TAF6: variants seen among roughly 807,000 people sequenced by gnomAD.
The protein encoded by TAF6 is TATA-box binding protein associated factor 6, also known as transcription initiation factor TFIID subunit 6.
In TAF6, 50 loss-of-function variants were observed where a neutral mutation model predicts 73.5. The ratio of observed to expected loss-of-function variants is 0.68; its 90% CI spans 0.54 to 0.86. The LOEUF (loss-of-function observed/expected upper bound fraction) is 0.86, where lower values mean the gene tolerates loss of function less well. Ranked by LOEUF, TAF6 falls within the 40% of genes least tolerant of loss-of-function variation. TAF6 has a pLI of 0.00. For missense variants in TAF6, 768 were observed against 899.5 expected, an observed-to-expected ratio of 0.85 and a Z score of 1.87; for synonymous variants, 424 against 376.7, an observed-to-expected ratio of 1.13 and a Z score of -1.45.
chr7:100,123,920 G>A (rs530573871), upstream of TAF6, among the ~76,000 whole-genome samples: 1 of 152,274 alleles, frequency 6.6e-6, no homozygotes, highest in East Asian at 1.9e-4. Flanking sequence ...CACGACATCA[G>A]GGGTTCAAGA....
At chr7:100,118,221 C>T (rs925118787) in intron 1 of TAF6, among the ~76,000 whole-genome samples, 1 of 151,752 alleles carries the variant, frequency 6.6e-6, no homozygotes, top group Admixed American at 6.6e-5. Context: ...GACATGGTGG[C>T]GGGCGCCTGT....
chr7:100,109,564 A>C (rs1321618067), intron 12 of TAF6, among the ~76,000 whole-genome samples: 1 of 151,702 alleles, frequency 6.6e-6, no homozygotes, highest in Admixed American at 6.6e-5. Context: ...TGGCACGATC[A>C]TAGCTCTCTG....
At chr7:100,122,930 C>T, upstream of TAF6, 1 of 1,593,922 alleles carries the variant, frequency 6.3e-7, no homozygotes, top group South Asian at 1.1e-5. Flanking sequence ...CTGCACCATC[C>T]AGGGAGGTGA....
In TAF6 at chr7:100,107,234, G is replaced by A; in HGVS notation, c.*12C>T. On this transcript the variant is annotated 3_prime_UTR_variant, in exon 15 of 15. Coordinates refer to ENST00000453269, the MANE Select transcript of TAF6 (RefSeq NM_139315.3). ...TGCATGTGTGGGAATCCGGGGGCTG[G>A]CAGGTGGAGCATCACGGAGCAGGCT... The A allele has an allele frequency of 6.6e-7, 1 of 1,521,184 alleles. No individual in the cohort carries two copies. The highest frequency in any genetic ancestry group is 2.3e-5 in the East Asian group (1 of 44,186). The allele number at this position is 1,521,184 out of a possible 1,614,324, so 94.2% of individuals were successfully genotyped here. A position where few individuals can be genotyped will look rare whatever the true frequency, so the allele number is the denominator to read the frequency against.
chr7:100,107,892 C>T, intron 14 of TAF6, 34 bp downstream of exon 14: 1 of 1,574,328 alleles, frequency 6.4e-7, no homozygotes, highest in Non-Finnish European at 8.6e-7. Flanking sequence ...AACCCAGGCC[C>T]TCCAGATGCT....
chr7:100,120,168 A>T (rs1489394950), upstream of TAF6: 2 of 262,518 alleles, frequency 7.6e-6, no homozygotes, highest in African/African-American at 4.5e-5. Flanking sequence ...ATCTTCAGTG[A>T]GTGTTTACCT....
chr7:100,123,936 C>T (rs1003078013), upstream of TAF6, among the ~76,000 whole-genome samples: 6 of 152,048 alleles, frequency 3.9e-5, no homozygotes, highest in African/African-American at 1.2e-4. Flanking sequence ...CAAGACCAGC[C>T]GGGCCATCAT....
At chr7:100,109,666 T>G (rs576377500) in intron 12 of TAF6, among the ~76,000 whole-genome samples, 55 of 144,582 alleles carry the variant, frequency 3.8e-4, no homozygotes, top group Middle Eastern at 3.7e-3. Context: ...GGCTTTTTGG[T>G]TTTTTTTTTT....
At chr7:100,122,376 A>G, upstream of TAF6, 1 of 1,614,104 alleles carries the variant, frequency 6.2e-7, no homozygotes, top group Non-Finnish European at 8.5e-7. Context: ...CACGTGCCTT[A>G]CAGCGTTTCG....
At chr7:100,119,940 T>C, upstream of TAF6, 1 of 1,343,856 alleles carries the variant, frequency 7.4e-7, no homozygotes, top group Non-Finnish European at 1.0e-6. Context: ...TAGCCTGTAT[T>C]GGGTGGGTCA....
In TAF6 at chr7:100,111,746, C is replaced by T. The variant is rs1321432916; in HGVS notation, c.882G>A (p.Thr294=). ...CACTCACGTATTTTTCTAGATAGAGCGTGGGGTTGTCCATCAGCGCTTTCA... is the reference window on the plus strand; with the variant it reads ...CACTCACGTATTTTTCTAGATAGAGTGTGGGGTTGTCCATCAGCGCTTTCA... The part of the protein sequence containing the change: ...RMVKALMDNP[T]LYLEKYVHEL... The change falls in exon 9 of 15, where the codon ACG becomes ACA. Residue 294 remains threonine, a synonymous_variant. Transcript: ENST00000453269. 2.5e-6 allele frequency: 4 copies of T among 1,614,134 alleles called. No individual in the cohort carries two copies. Among genetic ancestry groups the T allele is most frequent in the South Asian group, 1.1e-5 (1 of 91,086 alleles).
rs1796613938 is a variant in TAF6, at chr7:100,107,283, G to C, written c.1997C>G (p.Ser666Cys). 9.2e-6 allele frequency: 14 copies of C among 1,524,686 alleles called. No homozygotes were observed. The highest frequency in any genetic ancestry group is 1.1e-5 in the Non-Finnish European group (13 of 1,139,256). The allele number at this position is 1,524,686 out of a possible 1,614,324, so 94.4% of individuals were successfully genotyped here. ...PAPGTPKANG[S>C]QPNSGSPQPA... ...CTGAGGGGAGCCGGAGTTGGGCTGG[G>C]AGCCATTGGCTTTTGGAGTCCCTGG... The change falls in exon 15 of 15, where the codon TCC becomes TGC. Residue 666 changes from serine to cysteine, a missense_variant. By Grantham distance (112) the Ser-to-Cys change is moderately radical (BLOSUM62 -1). Around this residue, in one of 5 missense-constraint regions of TAF6, gnomAD observed 350 missense variants for 352.3 expected, o/e 0.99. Transcript: ENST00000453269.
chr7:100,110,474 C>T (rs552495097), intron 10 of TAF6, 200 bp from the exon 11 acceptor site: 1 of 490,840 alleles, frequency 2.0e-6, no homozygotes, highest in East Asian at 4.2e-5. Flanking sequence ...CCAGACCACC[C>T]TAGTCAACAT....
At position 100,108,347 on chromosome 7, in the gene TAF6, C is replaced by T; in HGVS notation, c.1458+20G>A. On this transcript the variant is annotated intron_variant, in intron 13 of 14. Transcript: ENST00000453269. ...TCTCCTCTGCTTCCTCCTATTCCTC[C>T]TCCCCACCCGGCCACGGACCTGCGT... 6.3e-7 allele frequency: 1 copy of T among 1,586,364 alleles called. No individual in the cohort carries two copies. The highest frequency in any genetic ancestry group is 8.6e-7 in the Non-Finnish European group (1 of 1,163,310).
intron 14 of TAF6, 48 bp from the exon 15 acceptor site, chr7:100,107,671 C>T (rs1345501258): frequency 5.7e-6 from 9 of 1,592,438 alleles, no homozygotes; most frequent in East Asian, 2.2e-5. Context: ...CCTCCCTGCC[C>T]CCCAGAGGCC....
At chr7:100,123,944 C>G (rs1189048161), upstream of TAF6, among the ~76,000 whole-genome samples, 11 of 152,114 alleles carry the variant, frequency 7.2e-5, no homozygotes. Context: ...GCCGGGCCAT[C>G]ATAGTGAAAC....
chr7:100,108,243 C>T (rs1796768675), intron 13 of TAF6, 120 bp from the exon 14 acceptor site: 2 of 1,454,142 alleles, frequency 1.4e-6, no homozygotes, highest in Non-Finnish European at 9.1e-7. Context: ...GGGGCATCCT[C>T]ACTCAGGGCC....
Position 100,114,106 on chromosome 7 carries a change from G to T in TAF6, c.104C>A (p.Thr35Asn). ...SMGIAQIQEE[T>N]CQLLTDEVSY... ...GACCTCATCCGTTAGCAGCTGGCAG[G>T]TCTCCTCCTGAATCTGGGCGATGCC... Residue 35 changes from threonine (T) to asparagine (N), a missense_variant, in exon 2 of 15, where the codon ACC becomes AAC. This residue lies in a region of TAF6 where 269 missense variants were observed against 268.0 expected (regional missense o/e 1.00). Transcript: ENST00000453269. The T allele has an allele frequency of 6.2e-7, 1 of 1,614,216 alleles. No homozygotes were observed. The highest frequency in any genetic ancestry group is 8.5e-7 in the Non-Finnish European group (1 of 1,180,046).
At chr7:100,121,019 A>G (rs959208319), upstream of TAF6, 14 of 139,224 alleles carry the variant, frequency 1.0e-4, no homozygotes, top group Admixed American at 9.5e-4. Context: ...CAGCCTTTAT[A>G]TATGTTGATT....
Sources: allele counts gnomAD v4.1 joint callset (sites outside exome capture counted in the v4.1 genomes callset), GRCh38; gene constraint gnomAD v4.1.1; regional missense constraint gnomAD v4.1.1; transcripts MANE v1.5; gene names NCBI Gene and HGNC (gene_info 2026-07-23, HGNC 2026-07-21).